Variants in PFKFB3 observed in about 807,000 individuals in gnomAD.
The protein encoded by PFKFB3 is 6-phosphofructo-2-kinase/fructose-2,6-bisphosphatase 3.
A neutral mutation model predicts 68.0 loss-of-function variants in PFKFB3; 33 were observed. The observed-to-expected ratio is 0.49, with a 90% CI of 0.37 to 0.65. PFKFB3 has a LOEUF of 0.65. PFKFB3 is among the 30% of genes least tolerant of loss of function. The pLI is 0.00. For missense variants in PFKFB3, 586 were observed against 712.2 expected, an observed-to-expected ratio of 0.82 and a Z score of 2.02; for synonymous variants, 315 against 288.2, an observed-to-expected ratio of 1.09 and a Z score of -0.94.
chr10:6,212,274 C>T (rs889796753), intron 1 of PFKFB3, among the ~76,000 whole-genome samples: 2 of 152,240 alleles, frequency 1.3e-5, no homozygotes. Context: ...CAGGGCCAGG[C>T]GACAGCCGGG....
At chr10:6,146,317 G>C in intron 1 of PFKFB3, 1 of 1,525,186 alleles carries the variant, frequency 6.6e-7, no homozygotes, top group Admixed American at 2.0e-5. Flanking sequence ...CTAGGTATCA[G>C]CGTGGGCTCC....
the PFKFB3 span, among the ~76,000 whole-genome samples, chr10:6,312,725 C>T: frequency 6.6e-6 from 1 of 152,224 alleles, no homozygotes; most frequent in East Asian, 1.9e-4. Flanking sequence ...ATATTGTTTT[C>T]TATATGGAAG....
At chr10:6,173,923 G>C (rs549379508) in intron 1 of PFKFB3, among the ~76,000 whole-genome samples, 2 of 152,048 alleles carry the variant, frequency 1.3e-5, no homozygotes, top group Admixed American at 1.3e-4. Context: ...AACGGGAGGC[G>C]GGGAGGAAGA....
In PFKFB3 at chr10:6,226,196, C is replaced by A; in HGVS notation, c.1346C>A (p.Ala449Glu). 6.3e-7 allele frequency: 1 copy of A among 1,582,904 alleles called. No homozygotes were observed. The highest frequency in any genetic ancestry group is 8.6e-7 in the Non-Finnish European group (1 of 1,166,664). Residue 449 changes from alanine to glutamate, a missense_variant, in exon 14 of 15, where the codon GCA becomes GAA. By Grantham distance (107) the Ala-to-Glu change is moderately radical (BLOSUM62 -1). Transcript: ENST00000379775. ...VCTHRERSED[A>E]KKGPNPLMRR... Reference sequence around the variant, plus strand: ...TTTTGTCTTTGTCTTGCTTAGGATGCAAAGAAGGGACCTAACCCGCTCATG... The same window carrying A: ...TTTTGTCTTTGTCTTGCTTAGGATGAAAAGAAGGGACCTAACCCGCTCATG...
intron 14 of PFKFB3, among the ~76,000 whole-genome samples, chr10:6,232,076 C>T (rs1026614359): frequency 2.6e-5 from 4 of 152,220 alleles, no homozygotes; most frequent in Non-Finnish European, 4.4e-5. Flanking sequence ...TCTCTCCCAC[C>T]CTCTTTAGAG....
intron 1 of PFKFB3, among the ~76,000 whole-genome samples, chr10:6,206,412 T>G (rs1378842092): frequency 7.9e-6 from 1 of 126,182 alleles, no homozygotes; most frequent in Non-Finnish European, 1.7e-5. Flanking sequence ...TTTCCCCCCT[T>G]TCTATTCCAC....
At chr10:6,260,572 T>A in the PFKFB3 span, among the ~76,000 whole-genome samples, 5 of 152,338 alleles carry the variant, frequency 3.3e-5, no homozygotes, top group South Asian at 1.0e-3. Context: ...AGTTTTACCA[T>A]CTAAGCATGT....
At chr10:6,175,229 C>T (rs2131757800) in intron 1 of PFKFB3, among the ~76,000 whole-genome samples, 1 of 152,340 alleles carries the variant, frequency 6.6e-6, no homozygotes, top group Admixed American at 6.5e-5. Flanking sequence ...GTTGTCATTT[C>T]AATGGCCATT....
the PFKFB3 span, among the ~76,000 whole-genome samples, chr10:6,285,656 T>C: frequency 6.6e-6 from 1 of 152,364 alleles, no homozygotes; most frequent in Non-Finnish European, 1.5e-5. Context: ...AGAAGATCTC[T>C]AGAGCTTGTT....
the PFKFB3 span, among the ~76,000 whole-genome samples, chr10:6,271,979 A>G: frequency 6.6e-6 from 1 of 152,150 alleles, no homozygotes; most frequent in Non-Finnish European, 1.5e-5. Flanking sequence ...ACCAATCTCT[A>G]CCATGTGTGG....
chr10:6,150,497 G>C (rs868016154), intron 1 of PFKFB3, among the ~76,000 whole-genome samples: 1 of 151,732 alleles, frequency 6.6e-6, no homozygotes, highest in Admixed American at 6.6e-5. Flanking sequence ...GGTGGTGGGC[G>C]CCTGTAATCC....
Position 6,215,608 on chromosome 10 carries a change from G to A in PFKFB3, c.299+291G>A, listed in dbSNP as rs1048637949. Among the ~76,000 whole-genome samples the A allele has an allele frequency of 6.6e-6, 1 of 152,180 alleles. No homozygotes were observed. Among genetic ancestry groups the A allele is most frequent in the Non-Finnish European group, 1.5e-5 (1 of 68,038 alleles). ...TGCTGCTCTCATCTGTCCCCTGAGG[G>A]TCTCGCTGAGCTGACCCTCACTGGG... On this transcript the variant is annotated intron_variant, in intron 3 of 14. Coordinates refer to ENST00000379775, the MANE Select transcript of PFKFB3 (RefSeq NM_004566.4). The surrounding 1 kb of genome is among the most constrained non-coding windows in gnomAD (Gnocchi z 4.3).
the PFKFB3 span, chr10:6,277,546 A>T: frequency 6.2e-6 from 1 of 161,030 alleles, no homozygotes; most frequent in South Asian, 1.4e-4. Context: ...AATGGTTTAC[A>T]TCATTTCCCT....
downstream of PFKFB3, among the ~76,000 whole-genome samples, chr10:6,259,381 C>G (rs1846519966): frequency 6.7e-6 from 1 of 149,288 alleles, no homozygotes. Flanking sequence ...CATTCACCAA[C>G]TCATCCATTC....
At chr10:6,235,583 T>C (rs539502676), downstream of PFKFB3, 4 of 152,428 alleles carry the variant, frequency 2.6e-5, no homozygotes, top group Non-Finnish European at 5.9e-5. Context: ...GAGTCTTTAA[T>C]TGATGTTTAC....
At chr10:6,160,252 G>C (rs1331890969) in intron 1 of PFKFB3, among the ~76,000 whole-genome samples, 1 of 152,098 alleles carries the variant, frequency 6.6e-6, no homozygotes. Context: ...ATGTCAATTG[G>C]CTGATGGGGT....
rs2132034531 is a variant in PFKFB3, at chr10:6,229,232, T to C, written c.1515+2867T>C. On this transcript the variant is annotated intron_variant, in intron 14 of 14. Coordinates refer to ENST00000379775, the MANE Select transcript of PFKFB3 (RefSeq NM_004566.4). This position sits in a 1 kb window ranked among gnomAD's most constrained non-coding sequence, Gnocchi z 4.3. The stretch of plus-strand genomic sequence containing the variant: ...GGCAAAGGGGTGAAGGGCCAGAGGA[T>C]GTACCAGTGTCCTCCATGTCCACGT... 4 of 484,540 alleles carry C rather than the reference T, an allele frequency of 8.3e-6. No individual in the cohort carries two copies. Among genetic ancestry groups the C allele is most frequent in the South Asian group, 6.1e-5 (4 of 65,746 alleles). The allele number at this position is 484,540 out of a possible 1,614,324, so 30.0% of individuals were successfully genotyped here.
the PFKFB3 span, among the ~76,000 whole-genome samples, chr10:6,316,124 G>A: frequency 2.5e-3 from 374 of 152,302 alleles, no homozygotes; most frequent in Non-Finnish European, 3.7e-3. Context: ...GTATGGAGAC[G>A]TGGATTTGTG....
intron 1 of PFKFB3, among the ~76,000 whole-genome samples, chr10:6,181,796 T>C (rs1385939100): frequency 7.0e-5 from 8 of 114,156 alleles, no homozygotes; most frequent in Non-Finnish European, 1.2e-4. Context: ...AGACTCCGTT[T>C]AAAAAAAAAA....
Sources: gnomAD v4.1 joint callset for allele counts (sites outside exome capture counted in the v4.1 genomes callset) on GRCh38, gnomAD v4.1.1 for gene constraint, Gnocchi (gnomAD v3.1) non-coding constraint, MANE v1.5 for transcripts, NCBI Gene and HGNC (gene_info 2026-07-23, HGNC 2026-07-21) for gene names.